The following SLC22A15 variants were observed in gnomAD, a reference collection of about 807,000 sequenced individuals.
SLC22A15 encodes the protein solute carrier family 22 member 15.
In SLC22A15, 45 loss-of-function variants were observed where a neutral mutation model predicts 62.7. The ratio of observed to expected loss-of-function variants is 0.72; its 90% CI spans 0.56 to 0.92. SLC22A15 has a LOEUF of 0.92. Ranked by LOEUF, SLC22A15 falls within the 40% of genes least tolerant of loss-of-function variation. SLC22A15 has a pLI of 0.00. For synonymous variants in SLC22A15, 264 were observed against 267.0 expected, an observed-to-expected ratio of 0.99 and a Z score of 0.11; for missense variants, 622 against 665.6, an observed-to-expected ratio of 0.93 and a Z score of 0.72.
intron 1 of SLC22A15, 89 bp from the exon 2 acceptor site, chr1:115,991,942 G>A: frequency 9.3e-7 from 1 of 1,075,552 alleles, no homozygotes; most frequent in Non-Finnish European, 1.4e-6. Context: ...GCAAGACACT[G>A]ATCTTTCAAG....
At chr1:116,018,762 G>A (rs1357045009) in intron 2 of SLC22A15, among the ~76,000 whole-genome samples, 6 of 152,056 alleles carry the variant, frequency 3.9e-5, no homozygotes, top group Non-Finnish European at 8.8e-5. Flanking sequence ...TTTGTATTGG[G>A]AACATTTGAT....
At chr1:116,020,980 G>C in intron 4 of SLC22A15, 95 bp downstream of exon 4, 1 of 1,132,222 alleles carries the variant, frequency 8.8e-7, no homozygotes. Flanking sequence ...AATGCATTTG[G>C]ACTTGAGGTA....
rs746031148 is a variant in SLC22A15, at chr1:116,066,572, C to T, written c.1418C>T (p.Thr473Ile). ...PFIVFGATGLTSGLLSLLLPE... is the reference protein window; with the variant it reads ...PFIVFGATGLISGLLSLLLPE... The stretch of plus-strand genomic sequence containing the variant: ...ATTGTCTTCGGAGCCACGGGTCTGA[C>T]CTCCGGCCTCCTGAGTTTGTTATTG... The change falls in exon 11 of 12, where the codon ACC becomes ATC. Residue 473 changes from threonine (T) to isoleucine (I), a missense_variant. Thr to Ile is a moderately conservative substitution (Grantham distance 89). Coordinates refer to ENST00000369503, the MANE Select transcript of SLC22A15 (RefSeq NM_018420.3). The T allele has an allele frequency of 2.1e-5, 33 of 1,607,306 alleles. No individual in the cohort carries two copies. In the South Asian group the frequency reaches 3.6e-4, roughly 17 times the overall value.
chr1:116,050,429 G>A (rs1266705018), intron 8 of SLC22A15, among the ~76,000 whole-genome samples: 1 of 152,276 alleles, frequency 6.6e-6, no homozygotes, highest in East Asian at 1.9e-4. Context: ...GGGAAGCAGG[G>A]ATGGTTTAAC....
At chr1:115,988,015 T>C (rs150579003) in intron 1 of SLC22A15, among the ~76,000 whole-genome samples, 150 of 152,356 alleles carry the variant, frequency 9.8e-4, no homozygotes, top group African/African-American at 3.3e-3. Flanking sequence ...GAAATTACTT[T>C]AAAAACCTTC....
At chr1:116,054,842 T>C (rs1335682989) in intron 8 of SLC22A15, among the ~76,000 whole-genome samples, 1 of 151,908 alleles carries the variant, frequency 6.6e-6, no homozygotes, top group East Asian at 1.9e-4. Flanking sequence ...AATAAAGATG[T>C]TCTTTGAAAC....
chr1:116,011,169 G>A (rs1034892096), intron 2 of SLC22A15, among the ~76,000 whole-genome samples: 1 of 152,208 alleles, frequency 6.6e-6, no homozygotes, highest in African/African-American at 2.4e-5. Flanking sequence ...CACAGCCCCT[G>A]CCTGGCTTGC....
intron 9 of SLC22A15, among the ~76,000 whole-genome samples, chr1:116,063,768 C>T (rs1288187306): frequency 2.0e-5 from 3 of 152,124 alleles, no homozygotes; most frequent in Non-Finnish European, 4.4e-5. Flanking sequence ...TGGGTATGAA[C>T]TTTTCAGCTG....
intron 2 of SLC22A15, among the ~76,000 whole-genome samples, chr1:116,004,352 A>G (rs1293419916): frequency 6.6e-6 from 1 of 152,160 alleles, no homozygotes; most frequent in Non-Finnish European, 1.5e-5. Flanking sequence ...GGAGTGTTCT[A>G]GTCGGCCATC....
In SLC22A15 at chr1:115,976,544, G is replaced by C; in HGVS notation, c.-84G>C. On this transcript the variant is annotated 5_prime_UTR_variant, in exon 1 of 12. Coordinates refer to ENST00000369503, the MANE Select transcript of SLC22A15 (RefSeq NM_018420.3). Reference sequence around the variant, plus strand: ...GCCCCGGCGGGTCCAAGCCGGTGCCGGGCGCCCAGGGGTTGCCGCGCTGGG... The same window carrying C: ...GCCCCGGCGGGTCCAAGCCGGTGCCCGGCGCCCAGGGGTTGCCGCGCTGGG... The C allele has an allele frequency of 1.0e-6, 1 of 987,224 alleles. No individual in the cohort carries two copies. Among genetic ancestry groups the C allele is most frequent in the Non-Finnish European group, 1.4e-6 (1 of 701,700 alleles). 61.2% of individuals were successfully genotyped at this position (987,224 alleles called of 1,614,324 possible).
In SLC22A15 at chr1:116,069,137, G is replaced by A. The variant is rs1658561600; in HGVS notation, c.*2029G>A. ...TCCCTGGGTTTCCTTTCTTAGCTATGGGGTGGAAGATAGGAGGGGGAGATC... is the reference window on the plus strand; with the variant it reads ...TCCCTGGGTTTCCTTTCTTAGCTATAGGGTGGAAGATAGGAGGGGGAGATC... On this transcript the variant is annotated 3_prime_UTR_variant, in exon 12 of 12. Transcript: ENST00000369503. 1 of 150,658 alleles carries A rather than the reference G, an allele frequency of 6.6e-6. No individual in the cohort carries two copies. Among genetic ancestry groups the A allele is most frequent in the African/African-American group, 2.4e-5 (1 of 40,848 alleles). 9.3% of individuals were successfully genotyped at this position (150,658 alleles called of 1,614,324 possible).
chr1:116,040,541 G>A (rs762374912), intron 8 of SLC22A15, among the ~76,000 whole-genome samples: 8 of 152,160 alleles, frequency 5.3e-5, no homozygotes, highest in East Asian at 1.9e-4. Context: ...TAGCACATCC[G>A]GGATTCAGAT....
intron 8 of SLC22A15, among the ~76,000 whole-genome samples, chr1:116,056,468 T>C (rs1266823377): frequency 6.6e-6 from 1 of 150,660 alleles, no homozygotes; most frequent in Non-Finnish European, 1.5e-5. Flanking sequence ...ATCATGAAAA[T>C]GGCCATACTG....
chr1:115,999,425 A>G (rs913756834), intron 2 of SLC22A15, among the ~76,000 whole-genome samples: 3 of 151,506 alleles, frequency 2.0e-5, no homozygotes, highest in African/African-American at 4.9e-5. Context: ...ATTGGGGTTT[A>G]TCTCTCTTTT....
rs949198409 is a variant in SLC22A15 at position 116,061,938 on chromosome 1, G to A, written c.1172-824G>A. 3.9e-5 allele frequency among the ~76,000 whole-genome samples: 6 copies of A among 152,272 alleles called. No individual in the cohort carries two copies. In the South Asian group the frequency reaches 1.2e-3, roughly 32 times the overall value. The stretch of plus-strand genomic sequence containing the variant: ...ATTTAAAGAACATCGGCTGGGCGTG[G>A]TGGCTCACACCTGTAATCTCAGCAC... On this transcript the variant is annotated intron_variant, in intron 8 of 11. Coordinates refer to ENST00000369503, the MANE Select transcript of SLC22A15 (RefSeq NM_018420.3).
intron 8 of SLC22A15, 190 bp downstream of exon 8, chr1:116,037,578 G>T: frequency 1.9e-6 from 1 of 536,222 alleles, no homozygotes. Context: ...AATGTGTGTA[G>T]AGGTGCACTA....
chr1:116,008,856 C>T (rs1656111998), intron 2 of SLC22A15, among the ~76,000 whole-genome samples: 1 of 152,156 alleles, frequency 6.6e-6, no homozygotes, highest in African/African-American at 2.4e-5. Context: ...GCAGGCAGCC[C>T]ATCTGTGAGT....
At chr1:115,979,993 A>G (rs1654535863) in intron 1 of SLC22A15, among the ~76,000 whole-genome samples, 5 of 150,048 alleles carry the variant, frequency 3.3e-5, no homozygotes, top group Admixed American at 3.3e-4. Context: ...TATATTAAGT[A>G]TATATATATA....
intron 4 of SLC22A15, among the ~76,000 whole-genome samples, chr1:116,026,198 G>A (rs912784024): frequency 6.6e-6 from 1 of 151,816 alleles, no homozygotes; most frequent in African/African-American, 2.4e-5. Context: ...TGGGTCACAA[G>A]GTCAGGAGTT....
Sources: gnomAD v4.1 joint callset for allele counts (sites outside exome capture counted in the v4.1 genomes callset) on GRCh38, gnomAD v4.1.1 for gene constraint, MANE v1.5 for transcripts, NCBI Gene and HGNC (gene_info 2026-07-23, HGNC 2026-07-21) for gene names.